SUGP1: variants seen among roughly 807,000 people sequenced by gnomAD.
The protein encoded by SUGP1 is SURP and G-patch domain-containing protein 1.
A neutral mutation model predicts 76.5 loss-of-function variants in SUGP1; 34 were observed. The ratio of observed to expected loss-of-function variants is 0.44; its 90% CI spans 0.34 to 0.59. The LOEUF is 0.59. SUGP1 is among the 20% of genes least tolerant of loss of function. The pLI, the probability that SUGP1 is intolerant of heterozygous loss-of-function variation, is 0.01. For synonymous variants in SUGP1, 326 were observed against 326.2 expected (o/e 1.00, Z 0.01); for missense variants, 752 against 851.7 (o/e 0.88, Z 1.46).
chr19:19,277,010 G>A lies in SUGP1; in HGVS notation c.1848C>T (p.Asp616=), dbSNP rs151296600. 2.8e-5 allele frequency: 45 copies of A among 1,612,828 alleles called. No individual in the cohort carries two copies. Among genetic ancestry groups the A allele is most frequent in the Middle Eastern group, 1.6e-4 (1 of 6,084 alleles). ...IDRPAELSKE[D]DEYEAFRKRM... ...TCTTGCGGAACGCCTCATACTCGTC[G>A]TCCTCCTTGGAGAGCTCCGCCGGCC... Residue 616 remains aspartate (D), a synonymous_variant, in exon 13 of 14, where the codon GAC becomes GAT. Coordinates refer to ENST00000247001, the MANE Select transcript of SUGP1 (RefSeq NM_172231.4).
At chr19:19,300,209 G>T (rs2061260465) in intron 7 of SUGP1, among the ~76,000 whole-genome samples, 1 of 152,102 alleles carries the variant, frequency 6.6e-6, no homozygotes, top group Non-Finnish European at 1.5e-5. Flanking sequence ...CCAAGTAGCT[G>T]GGATTATAGG....
chr19:19,276,655 T>G lies in SUGP1; in HGVS notation c.1931A>C (p.Tyr644Ser), dbSNP rs182843197. The change falls in exon 14 of 14, where the codon TAC (tyrosine) becomes TCC (serine). Residue 644 changes from tyrosine (Y) to serine (S), a missense_variant. Coordinates refer to ENST00000247001, the MANE Select transcript of SUGP1 (RefSeq NM_172231.4). ...PNPLNNPRRP[Y>S]Y The stretch of plus-strand genomic sequence containing the variant: ...TATGTATTTCCAGAACACTCAGTAG[T>G]AAGGCCGTCTGGGATTGTTCTGTGG... 1.9e-6 allele frequency: 3 copies of G among 1,614,094 alleles called. No homozygotes were observed. The highest frequency in any genetic ancestry group is 4.5e-5 in the East Asian group (2 of 44,880).
rs1040617727 is a variant in SUGP1, at chr19:19,306,065, T to C, written c.322A>G (p.Ser108Gly). The change falls in exon 4 of 14, where the codon AGT (serine) becomes GGT (glycine). Residue 108 changes from serine to glycine, a missense_variant. Ser to Gly is a moderately conservative substitution (Grantham distance 56). Coordinates refer to ENST00000247001, the MANE Select transcript of SUGP1 (RefSeq NM_172231.4). Reference protein sequence around the residue: ...KAQTSTDAPTSAPSAPPSTPT... With the variant: ...KAQTSTDAPTGAPSAPPSTPT... ...GTGCTGGGAGGGGCGCTGGGCGCACTGGTCGGGGCGTCTGGTATAGAAGGA... is the reference window on the plus strand; with the variant it reads ...GTGCTGGGAGGGGCGCTGGGCGCACCGGTCGGGGCGTCTGGTATAGAAGGA... The C allele has an allele frequency of 3.8e-6, 6 of 1,598,996 alleles. No individual in the cohort carries two copies. The highest frequency in any genetic ancestry group is 1.7e-5 in the Admixed American group (1 of 57,336).
chr19:19,309,023 C>T (rs891479662), intron 3 of SUGP1, among the ~76,000 whole-genome samples: 11 of 152,142 alleles, frequency 7.2e-5, no homozygotes, highest in African/African-American at 2.7e-4. Flanking sequence ...CCTGCCACCA[C>T]GCCCGGCTAA....
intron 3 of SUGP1, among the ~76,000 whole-genome samples, chr19:19,309,550 C>T (rs1398683956): frequency 1.3e-5 from 2 of 151,900 alleles, no homozygotes; most frequent in Non-Finnish European, 2.9e-5. Flanking sequence ...ATGGCCAAGG[C>T]GGGCAGATCA....
chr19:19,279,948 G>A (rs940661083), intron 9 of SUGP1, among the ~76,000 whole-genome samples: 1 of 152,222 alleles, frequency 6.6e-6, no homozygotes, highest in African/African-American at 2.4e-5. Flanking sequence ...CCGCCCCAAG[G>A]GCCAGTGGTC....
chr19:19,310,643 CCTCT>C (rs1361803079), intron 2 of SUGP1, among the ~76,000 whole-genome samples: 1 of 152,016 alleles, frequency 6.6e-6, no homozygotes, highest in Non-Finnish European at 1.5e-5. Context: ...TGTCTCTCTC[CCTCT>C]CTATCTATCT....
Position 19,276,943 on chromosome 19 carries a change from G to A in SUGP1, c.1911+4C>T, listed in dbSNP as rs536126391. The A allele has an allele frequency of 4.5e-5, 73 of 1,612,836 alleles. 1 individual carries two copies. The South Asian group carries it at 6.9e-4, about 15-fold the overall frequency. The stretch of plus-strand genomic sequence containing the variant: ...GCAAAGGCAGCCCAGGAGGACATGC[G>A]TACCAGGGGGTTGGGCCGGAAGCGG... On this transcript the variant is annotated splice_donor_region_variant and intron_variant, in intron 13 of 13. Transcript: ENST00000247001.
In SUGP1 at chr19:19,276,199, G is replaced by A. The variant is rs973506647; in HGVS notation, c.*449C>T. The A allele has an allele frequency of 5.8e-4, 98 of 169,200 alleles. No individual in the cohort carries two copies. Among genetic ancestry groups the A allele is most frequent in the African/African-American group, 2.3e-3 (97 of 41,900 alleles). The allele number at this position is 169,200 out of a possible 1,614,324, so 10.5% of individuals were successfully genotyped here. ...CCCGAGTAGCTGAGACGACAGGTGT[G>A]CACCACCATGCCCAGCTAATTTTAT... On this transcript the variant is annotated 3_prime_UTR_variant, in exon 14 of 14. Transcript: ENST00000247001.
chr19:19,285,429 A>C (rs1006679065), intron 8 of SUGP1, among the ~76,000 whole-genome samples: 2 of 152,172 alleles, frequency 1.3e-5, no homozygotes, highest in African/African-American at 4.8e-5. Context: ...GGCCTCCCAA[A>C]GTGCTAGGAT....
chr19:19,308,638 G>C (rs867394647), intron 3 of SUGP1, among the ~76,000 whole-genome samples: 1 of 152,234 alleles, frequency 6.6e-6, no homozygotes, highest in East Asian at 1.9e-4. Flanking sequence ...CAGGTGTCTC[G>C]GGCCAGCCCG....
chr19:19,296,543 AG>A (rs1222261081), intron 8 of SUGP1, among the ~76,000 whole-genome samples: 1 of 152,058 alleles, frequency 6.6e-6, no homozygotes, highest in African/African-American at 2.4e-5. Flanking sequence ...GCTACTCAGG[AG>A]GCTGAGGCAG....
At chr19:19,286,480 T>C (rs1599849071) in intron 8 of SUGP1, among the ~76,000 whole-genome samples, 1 of 152,200 alleles carries the variant, frequency 6.6e-6, no homozygotes, top group Non-Finnish European at 1.5e-5. Flanking sequence ...GTGCATGACT[T>C]CATGGGATTT....
chr19:19,303,155 T>C (rs2061285003), intron 6 of SUGP1, among the ~76,000 whole-genome samples, 193 bp downstream of exon 6: 1 of 152,132 alleles, frequency 6.6e-6, no homozygotes, highest in Non-Finnish European at 1.5e-5. Flanking sequence ...CTTCACCAGG[T>C]CCTTGGAGCA....
chr19:19,297,252 AAGCTGCCTGTGG>A lies in SUGP1; in HGVS notation c.968_979del (p.Ser323_Ser326del). Reference sequence around the variant, plus strand: ...CTTCAGGCCGGGATCAGGTGCTGTGAAGCTGCCTGTGGAGCTGGCCTTGGCTTTCCGGAACTC... The same window carrying A: ...CTTCAGGCCGGGATCAGGTGCTGTGAAGCTGGCCTTGGCTTTCCGGAACTC... On this transcript the variant is annotated inframe_deletion, in exon 8 of 14. Coordinates refer to ENST00000247001, the MANE Select transcript of SUGP1 (RefSeq NM_172231.4). The A allele has an allele frequency of 6.3e-7, 1 of 1,584,004 alleles. No individual in the cohort carries two copies. Among genetic ancestry groups the A allele is most frequent in the Non-Finnish European group, 8.6e-7 (1 of 1,159,958 alleles).
chr19:19,297,148 T>C lies in SUGP1; in HGVS notation c.1084A>G (p.Thr362Ala). 6.2e-7 allele frequency: 1 copy of C among 1,613,458 alleles called. No individual in the cohort carries two copies. The highest frequency in any genetic ancestry group is 8.5e-7 in the Non-Finnish European group (1 of 1,179,740). ...TCPASSTPAP[T>A]IIPAPAAPGK... Reference sequence around the variant, plus strand: ...GGGGCAGCTGGAGCAGGGATGATAGTGGGCGCAGGCGTGGACGAGGCGGGG... The same window carrying C: ...GGGGCAGCTGGAGCAGGGATGATAGCGGGCGCAGGCGTGGACGAGGCGGGG... Residue 362 changes from threonine to alanine, a missense_variant, in exon 8 of 14, where the codon ACT (threonine) becomes GCT (alanine). Physicochemically the swap from Thr to Ala is moderately conservative, Grantham distance 58 (BLOSUM62 0). Transcript: ENST00000247001.
chr19:19,299,557 ATTT>A (rs1221958172), intron 7 of SUGP1, among the ~76,000 whole-genome samples: 15 of 120,810 alleles, frequency 1.2e-4, no homozygotes, highest in Non-Finnish European at 2.6e-4. Flanking sequence ...TTTTTTTTGT[ATTT>A]TTTAGTAGAG....
Position 19,293,617 on chromosome 19 carries a change from A to G in SUGP1, c.1243+3372T>C, listed in dbSNP as rs1242158483. Among the ~76,000 whole-genome samples the G allele has an allele frequency of 3.3e-5, 5 of 151,986 alleles. No individual in the cohort carries two copies. The East Asian group carries it at 9.7e-4, about 29-fold the overall frequency. ...ACAAGAAGAAGTGAAGTTCCTCAAC[A>G]CAATAAAGCCCATATATAAAAAACA... On this transcript the variant is annotated intron_variant, in intron 8 of 13. Transcript: ENST00000247001.
chr19:19,291,765 C>T (rs574516729), intron 8 of SUGP1, among the ~76,000 whole-genome samples: 63 of 151,642 alleles, frequency 4.2e-4, no homozygotes, highest in Non-Finnish European at 7.7e-4. Context: ...TTGGTGGCGG[C>T]GCCTGTAGTC....
Sources: allele counts gnomAD v4.1 joint callset (sites outside exome capture counted in the v4.1 genomes callset), GRCh38; gene constraint gnomAD v4.1.1; transcripts MANE v1.5; gene names NCBI Gene and HGNC (gene_info 2026-07-23, HGNC 2026-07-21).